VWC2L: variants seen among roughly 807,000 people sequenced by gnomAD.
VWC2L encodes von Willebrand factor C domain containing 2 like.
A neutral mutation model predicts 21.6 loss-of-function variants in VWC2L; 10 were observed. That is an observed-to-expected ratio of 0.46 (90% CI 0.29 to 0.78). The LOEUF is 0.78. Among genes scored for constraint, VWC2L ranks in the 30% least tolerant of loss-of-function variants. The pLI, the probability that VWC2L is intolerant of heterozygous loss-of-function variation, is 0.10. For synonymous variants in VWC2L, 96 were observed against 94.3 expected, an observed-to-expected ratio of 1.02 and a Z score of -0.10; for missense variants, 209 against 277.1, an observed-to-expected ratio of 0.75 and a Z score of 1.74.
At chr2:214,483,188 A>T (rs1182557326) in intron 3 of VWC2L, among the ~76,000 whole-genome samples, 1 of 152,172 alleles carries the variant, frequency 6.6e-6, no homozygotes, top group Non-Finnish European at 1.5e-5. Context: ...ACAGAGCCTG[A>T]GTTTTCAGCC....
chr2:214,565,249 T>G (rs746134631), intron 3 of VWC2L, among the ~76,000 whole-genome samples: 1 of 152,164 alleles, frequency 6.6e-6, no homozygotes, highest in Non-Finnish European at 1.5e-5. Context: ...TCTACATAAA[T>G]AGATTGAAAG....
At chr2:214,435,885 G>A (rs554281287) in intron 2 of VWC2L, among the ~76,000 whole-genome samples, 19 of 152,170 alleles carry the variant, frequency 1.2e-4, no homozygotes, top group East Asian at 5.8e-4. Flanking sequence ...ACTCTCGGCC[G>A]GTAAGTACTG....
chr2:214,521,035 A>G (rs4672711), intron 3 of VWC2L, among the ~76,000 whole-genome samples: 31,421 of 151,618 alleles, frequency 0.21, 3,822 homozygotes, highest in East Asian at 0.27. Flanking sequence ...CATCCTGACT[A>G]ACACGGTGAA....
intron 3 of VWC2L, among the ~76,000 whole-genome samples, chr2:214,437,322 T>C (rs763115265): frequency 8.5e-5 from 13 of 152,300 alleles, no homozygotes; most frequent in Non-Finnish European, 1.5e-4. Flanking sequence ...GTAACTGCTA[T>C]AGAGAGCAAC....
chr2:214,430,765 C>T (rs987571736), intron 2 of VWC2L, among the ~76,000 whole-genome samples: 15 of 152,148 alleles, frequency 9.9e-5, no homozygotes, highest in African/African-American at 3.1e-4. Context: ...TACTACTTAA[C>T]TCGTAATGCA....
chr2:214,567,507 C>T (rs1029316871), intron 3 of VWC2L, among the ~76,000 whole-genome samples: 1 of 150,474 alleles, frequency 6.6e-6, no homozygotes, highest in Non-Finnish European at 1.5e-5. Context: ...GATTTTGTAG[C>T]TGGACTTTCC....
At chr2:214,439,612 T>G (rs919932576) in intron 3 of VWC2L, among the ~76,000 whole-genome samples, 8 of 151,954 alleles carry the variant, frequency 5.3e-5, no homozygotes. Flanking sequence ...AATACTTTGG[T>G]TTTTCATATT....
chr2:214,495,291 T>C (rs924314302), intron 3 of VWC2L, among the ~76,000 whole-genome samples: 1 of 152,118 alleles, frequency 6.6e-6, no homozygotes, highest in African/African-American at 2.4e-5. Context: ...TCATCTACCA[T>C]TTTTTGTTGC....
chr2:214,417,174 A>G (rs572342892), intron 2 of VWC2L, among the ~76,000 whole-genome samples: 4 of 152,312 alleles, frequency 2.6e-5, no homozygotes, highest in East Asian at 1.9e-4. Context: ...TGATATGTCA[A>G]TTAGGGAGGT....
chr2:214,426,363 A>G (rs1702524879), intron 2 of VWC2L, among the ~76,000 whole-genome samples: 1 of 152,086 alleles, frequency 6.6e-6, no homozygotes. Flanking sequence ...AGAGTTAGAA[A>G]TAAGAGTGAG....
chr2:214,504,106 T>C (rs1482020892), intron 3 of VWC2L, among the ~76,000 whole-genome samples: 3 of 152,224 alleles, frequency 2.0e-5, no homozygotes, highest in Admixed American at 2.0e-4. Context: ...ACCAGTTGGG[T>C]AGATGACTAA....
At chr2:214,434,638 TA>T (rs138273886) in intron 2 of VWC2L, among the ~76,000 whole-genome samples, 1,639 of 152,272 alleles carry the variant, frequency 0.011, 18 homozygotes, top group Middle Eastern at 0.027. Flanking sequence ...GAGATAAAGA[TA>T]AAAACAAGTC....
At chr2:214,422,424 C>T (rs1456287338) in intron 2 of VWC2L, among the ~76,000 whole-genome samples, 1 of 152,066 alleles carries the variant, frequency 6.6e-6, no homozygotes, top group Non-Finnish European at 1.5e-5. Context: ...CATATTTTCA[C>T]TTTGTTTTGT....
intron 3 of VWC2L, among the ~76,000 whole-genome samples, chr2:214,523,675 C>T (rs1260727412): frequency 6.6e-6 from 1 of 152,096 alleles, no homozygotes; most frequent in Non-Finnish European, 1.5e-5. Context: ...CCCATTTCTA[C>T]TAAAAATACA....
At chr2:214,513,151 C>T (rs893740304) in intron 3 of VWC2L, among the ~76,000 whole-genome samples, 1 of 152,132 alleles carries the variant, frequency 6.6e-6, no homozygotes, top group Non-Finnish European at 1.5e-5. Flanking sequence ...CTGATGGTAA[C>T]ATTTTAGAAA....
chr2:214,566,263 G>A (rs376034126), intron 3 of VWC2L, among the ~76,000 whole-genome samples: 1 of 152,106 alleles, frequency 6.6e-6, no homozygotes, highest in African/African-American at 2.4e-5. Flanking sequence ...GGCAAACGTA[G>A]GACCCGAACT....
chr2:214,433,292 A>C (rs1702631881), intron 2 of VWC2L, among the ~76,000 whole-genome samples: 1 of 151,608 alleles, frequency 6.6e-6, no homozygotes, highest in Non-Finnish European at 1.5e-5. Context: ...TAAGGAGTGC[A>C]CAGAAATAAA....
At chr2:214,558,929 C>G (rs922141767) in intron 3 of VWC2L, among the ~76,000 whole-genome samples, 1 of 151,274 alleles carries the variant, frequency 6.6e-6, no homozygotes, top group Non-Finnish European at 1.5e-5. Context: ...GTGCAGGTTA[C>G]TTACATATGT....
intron 3 of VWC2L, among the ~76,000 whole-genome samples, chr2:214,540,020 T>G (rs775214820): frequency 1.3e-5 from 2 of 152,126 alleles, no homozygotes; most frequent in Non-Finnish European, 2.9e-5. Context: ...TACCATATCC[T>G]TCCCAAGAAA....
Sources: allele counts gnomAD v4.1 joint callset (sites outside exome capture counted in the v4.1 genomes callset), GRCh38; gene constraint gnomAD v4.1.1; transcripts MANE v1.5; gene names NCBI Gene and HGNC (gene_info 2026-07-23, HGNC 2026-07-21).